The following CDKL4 variants were observed in gnomAD, a reference collection of about 807,000 sequenced individuals.
The protein encoded by CDKL4 is cyclin dependent kinase like 4.
A neutral mutation model predicts 42.0 loss-of-function variants in CDKL4; 44 were observed. The observed-to-expected ratio is 1.05, with a 90% CI of 0.82 to 1.35. CDKL4 has a LOEUF of 1.35. CDKL4 is among the 40% of genes most tolerant of loss of function. The pLI is 0.00. For missense variants in CDKL4, 393 were observed against 369.9 expected, an observed-to-expected ratio of 1.06 and a Z score of -0.51; for synonymous variants, 120 against 121.6, an observed-to-expected ratio of 0.99 and a Z score of 0.09.
At chr2:39,229,558 G>T (rs760644652) in exon 2 of CDKL4, 11 of 1,572,610 alleles carry the variant, frequency 7.0e-6, no homozygotes, top group Middle Eastern at 1.7e-4. Context: ...TTAAATTATT[G>T]TATCGATTGA....
rs183924819 is a variant in CDKL4 at position 39,208,370 on chromosome 2, G to A, written c.364-3753C>T. Among the ~76,000 whole-genome samples the A allele has an allele frequency of 1.3e-4, 20 of 151,036 alleles. No homozygotes were observed. The East Asian group carries it at 3.5e-3, about 27-fold the overall frequency. ...GCTTTTTTTTTTTTGAGACAGAGTC[G>A]CTCTTTGTTGCTCAGGCTGGAGTGC... On this transcript the variant is annotated intron_variant, in intron 4 of 9. Transcript: ENST00000451199.
intron 1 of CDKL4, among the ~76,000 whole-genome samples, chr2:39,230,360 T>A (rs1679025226): frequency 6.6e-6 from 1 of 152,180 alleles, no homozygotes; most frequent in East Asian, 1.9e-4. Flanking sequence ...CACAAAACAA[T>A]AACAGAATCC....
intron 6 of CDKL4, 66 bp from the exon 7 acceptor site, chr2:39,187,775 T>G: frequency 1.2e-5 from 13 of 1,097,374 alleles, no homozygotes; most frequent in Non-Finnish European, 1.6e-5. Context: ...TTTAAATGGT[T>G]AATGCCTGAA....
chr2:39,210,099 C>T (rs1677501381), intron 4 of CDKL4, among the ~76,000 whole-genome samples: 1 of 152,088 alleles, frequency 6.6e-6, no homozygotes, highest in Admixed American at 6.6e-5. Flanking sequence ...GTGATTCTCC[C>T]ACCTCAGCCT....
chr2:39,197,018 A>C (rs1195986601), intron 5 of CDKL4, among the ~76,000 whole-genome samples: 1 of 152,226 alleles, frequency 6.6e-6, no homozygotes, highest in Non-Finnish European at 1.5e-5. Flanking sequence ...AAGGTCAACT[A>C]TTAAGCCAAT....
At chr2:39,181,430 A>G (rs550499646) in intron 8 of CDKL4, among the ~76,000 whole-genome samples, 1 of 152,158 alleles carries the variant, frequency 6.6e-6, no homozygotes, top group Admixed American at 6.5e-5. Context: ...AGATTTCCAC[A>G]TCTACAATTC....
intron 6 of CDKL4, among the ~76,000 whole-genome samples, chr2:39,189,314 AC>A (rs1676032229): frequency 6.6e-6 from 1 of 152,172 alleles, no homozygotes; most frequent in African/African-American, 2.4e-5. Flanking sequence ...CACGAAAGAA[AC>A]CCTTGCAGTC....
chr2:39,218,475 C>G (rs1203800153), intron 3 of CDKL4, among the ~76,000 whole-genome samples: 1 of 152,072 alleles, frequency 6.6e-6, no homozygotes, highest in African/African-American at 2.4e-5. Context: ...GAGAGTGAGA[C>G]AAGTGAATGA....
intron 1 of CDKL4, among the ~76,000 whole-genome samples, chr2:39,242,379 A>C (rs573370426): frequency 1.3e-5 from 2 of 152,258 alleles, no homozygotes; most frequent in East Asian, 3.9e-4. Context: ...TTGACCTTCA[A>C]ACTGAAGCTT....
At chr2:39,237,859 G>A (rs961744523) in intron 1 of CDKL4, among the ~76,000 whole-genome samples, 22 of 152,158 alleles carry the variant, frequency 1.4e-4, no homozygotes, top group Middle Eastern at 3.2e-3. Context: ...AGTTTGCAGT[G>A]AAGTAGGATA....
At chr2:39,172,795 C>T (rs989623662), downstream of CDKL4, among the ~76,000 whole-genome samples, 16 of 152,112 alleles carry the variant, frequency 1.1e-4, no homozygotes, top group Admixed American at 4.6e-4. Flanking sequence ...TTGGCCAGAC[C>T]GGTCTCGAAC....
chr2:39,206,904 A>C (rs1677235002), intron 4 of CDKL4, among the ~76,000 whole-genome samples: 3 of 152,202 alleles, frequency 2.0e-5, no homozygotes, highest in Non-Finnish European at 2.9e-5. Context: ...GTTCTTTAAT[A>C]GCTATCTAGG....
At chr2:39,190,335 C>G in exon 6 of CDKL4, 1 of 1,614,162 alleles carries the variant, frequency 6.2e-7, no homozygotes, top group Non-Finnish European at 8.5e-7. Flanking sequence ...TAAAGTTGGT[C>G]CACATCTGAT....
At chr2:39,213,555 G>A in intron 3 of CDKL4, 83 bp from the exon 4 acceptor site, 2 of 865,822 alleles carry the variant, frequency 2.3e-6, no homozygotes, top group South Asian at 1.4e-5. Flanking sequence ...GTGGAGTGGT[G>A]AGGGACTGTC....
At chr2:39,217,000 AGAT>A (rs1677961654) in intron 3 of CDKL4, among the ~76,000 whole-genome samples, 1 of 152,188 alleles carries the variant, frequency 6.6e-6, no homozygotes, top group Admixed American at 6.5e-5. Flanking sequence ...TGCAAAGAGA[AGAT>A]AGCCATCAAA....
chr2:39,220,879 G>A (rs758036802), intron 3 of CDKL4, among the ~76,000 whole-genome samples: 2 of 146,158 alleles, frequency 1.4e-5, no homozygotes, highest in African/African-American at 2.5e-5. Flanking sequence ...GAGCCACTGC[G>A]CCTGGCCCAA....
intron 1 of CDKL4, among the ~76,000 whole-genome samples, chr2:39,241,180 G>T (rs1296759725): frequency 6.6e-6 from 1 of 152,270 alleles, no homozygotes; most frequent in South Asian, 2.1e-4. Context: ...TAGTTCTTGG[G>T]AATACACTGA....
intron 8 of CDKL4, among the ~76,000 whole-genome samples, chr2:39,182,092 C>T (rs1363894322): frequency 2.6e-5 from 4 of 152,134 alleles, no homozygotes; most frequent in Non-Finnish European, 4.4e-5. Flanking sequence ...AGCAATCCTC[C>T]CGCCTTAGCC....
chr2:39,187,889 G>A (rs1302411938), intron 6 of CDKL4, among the ~76,000 whole-genome samples, 180 bp from the exon 7 acceptor site: 1 of 151,996 alleles, frequency 6.6e-6, no homozygotes, highest in South Asian at 2.1e-4. Context: ...TCAACATGGC[G>A]AAACCCCGTC....
Sources: allele counts gnomAD v4.1 joint callset (sites outside exome capture counted in the v4.1 genomes callset), GRCh38; gene constraint gnomAD v4.1.1; transcripts MANE v1.5; gene names NCBI Gene and HGNC (gene_info 2026-07-23, HGNC 2026-07-21).